The following P2RX3 variants were observed in gnomAD, a reference collection of about 807,000 sequenced individuals.
P2RX3 encodes purinergic receptor P2X 3, also known as P2X purinoceptor 3.
A neutral mutation model predicts 51.5 loss-of-function variants in P2RX3; 41 were observed. The observed-to-expected ratio is 0.80, with a 90% CI of 0.62 to 1.03. The LOEUF is 1.03. Among genes scored for constraint, P2RX3 ranks in the 50% least tolerant of loss-of-function variants. The pLI is 0.00. For missense variants in P2RX3, 459 were observed against 522.1 expected (o/e 0.88, Z 1.18); for synonymous variants, 185 against 191.6 (o/e 0.97, Z 0.29).
At chr11:57,347,278 C>A in intron 3 of P2RX3, 91 bp downstream of exon 3, 2 of 1,505,458 alleles carry the variant, frequency 1.3e-6, no homozygotes, top group Non-Finnish European at 1.8e-6. Flanking sequence ...GAGCAGAGGC[C>A]CCAAGTCTGA....
At position 57,370,657 on chromosome 11, in the gene P2RX3, G is replaced by C. The variant is rs900726531; in HGVS notation, c.*660G>C. On this transcript the variant is annotated 3_prime_UTR_variant, in exon 12 of 12. Transcript: ENST00000263314. ...AGGGAGACTGGTTAGACAGTGGTGA[G>C]GGACCCCATCTCTGACTTGGGTGCA... 2 of 152,238 alleles carry C rather than the reference G, an allele frequency of 1.3e-5. No individual in the cohort carries two copies. The highest frequency in any genetic ancestry group is 4.8e-5 in the African/African-American group (2 of 41,450). The allele number at this position is 152,238 out of a possible 1,614,324, so 9.4% of individuals were successfully genotyped here. A position where few individuals can be genotyped will look rare whatever the true frequency, so the allele number is the denominator to read the frequency against.
upstream of P2RX3, chr11:57,338,335 T>G: frequency 2.5e-6 from 1 of 392,466 alleles, no homozygotes; most frequent in Non-Finnish European, 4.7e-6. Flanking sequence ...AAAAAGGGGG[T>G]CCCCCGCCCT....
chr11:57,370,127 C>T lies in P2RX3; in HGVS notation c.*130C>T. The T allele has an allele frequency of 4.4e-6, 3 of 684,616 alleles. No individual in the cohort carries two copies. The highest frequency in any genetic ancestry group is 2.5e-6 in the Non-Finnish European group (1 of 401,228). 42.4% of individuals were successfully genotyped at this position (684,616 alleles called of 1,614,324 possible). On this transcript the variant is annotated 3_prime_UTR_variant, in exon 12 of 12. Coordinates refer to ENST00000263314, the MANE Select transcript of P2RX3 (RefSeq NM_002559.5). ...GCTCATTCCATGAGCATAGCTGGGA[C>T]CCAAGTGTCTGGGCCTCCGACTGCT...
intron 8 of P2RX3, among the ~76,000 whole-genome samples, chr11:57,359,118 G>A (rs929296043): frequency 6.6e-6 from 1 of 152,192 alleles, no homozygotes; most frequent in Non-Finnish European, 1.5e-5. Flanking sequence ...CGTCACCACT[G>A]TAGACCTGCC....
At chr11:57,343,867 C>T (rs1856385844) in intron 1 of P2RX3, among the ~76,000 whole-genome samples, 1 of 152,204 alleles carries the variant, frequency 6.6e-6, no homozygotes, top group African/African-American at 2.4e-5. Context: ...AGACCTCACT[C>T]CCTTCACTCT....
rs1856887223 is a variant in P2RX3, at chr11:57,371,575, C to T, written c.*1578C>T. 6.6e-6 allele frequency among the ~76,000 whole-genome samples: 1 copy of T among 152,144 alleles called. No individual in the cohort carries two copies. Among genetic ancestry groups the T allele is most frequent in the Admixed American group, 6.5e-5 (1 of 15,288 alleles). On this transcript the variant is annotated 3_prime_UTR_variant, in exon 12 of 12. Transcript: ENST00000263314. ...ACTTGCAAAGGCCTTGCCCAATGAC[C>T]CCCCGCTCCAGGGGGAGAAGGGGTA...
upstream of P2RX3, among the ~76,000 whole-genome samples, chr11:57,336,485 A>C (rs546072928): frequency 4.6e-5 from 7 of 152,364 alleles, no homozygotes; most frequent in Non-Finnish European, 8.8e-5. Context: ...TGCGGAAGCC[A>C]GGTCTCCCCC....
At chr11:57,368,223 G>A (rs1415493694) in intron 9 of P2RX3, 121 bp downstream of exon 9, 1 of 1,300,002 alleles carries the variant, frequency 7.7e-7, no homozygotes, top group Admixed American at 1.7e-5. Flanking sequence ...GACACCCTCA[G>A]TGGGTCACTC....
chr11:57,337,350 G>GAAAAAAAAAA (rs11339711), upstream of P2RX3, among the ~76,000 whole-genome samples: 1 of 73,494 alleles, frequency 1.4e-5, no homozygotes, highest in African/African-American at 5.9e-5. Context: ...AGGAAAGAAA[G>GAAAAAAAAAA]AAAAAAAAAA....
chr11:57,357,454 C>A (rs1044716530), intron 8 of P2RX3, among the ~76,000 whole-genome samples: 2 of 152,190 alleles, frequency 1.3e-5, no homozygotes, highest in Non-Finnish European at 2.9e-5. Flanking sequence ...AGTCTGGCTC[C>A]AGAACCTGTG....
upstream of P2RX3, among the ~76,000 whole-genome samples, chr11:57,337,351 A>AAAAAAAAAAAAAAAG (rs1856251556): frequency 2.7e-5 from 1 of 36,836 alleles, no homozygotes; most frequent in Non-Finnish European, 6.3e-5. Flanking sequence ...GGAAAGAAAG[A>AAAAAAAAAAAAAAAG]AAAAAAAAAA....
At chr11:57,363,870 C>A (rs537626699) in intron 8 of P2RX3, among the ~76,000 whole-genome samples, 15 of 152,282 alleles carry the variant, frequency 9.9e-5, no homozygotes, top group African/African-American at 3.6e-4. Flanking sequence ...TCCCTGCCAA[C>A]CCTCCTCAGA....
chr11:57,336,073 GACTAGAT>G (rs1856214919), upstream of P2RX3, among the ~76,000 whole-genome samples: 1 of 152,184 alleles, frequency 6.6e-6, no homozygotes, highest in African/African-American at 2.4e-5. Flanking sequence ...CTTCAGTCGA[GACTAGAT>G]ACTAAAGAGA....
intron 1 of P2RX3, among the ~76,000 whole-genome samples, chr11:57,343,847 C>CTAG (rs141735343): frequency 1.3e-5 from 2 of 152,302 alleles, no homozygotes; most frequent in East Asian, 3.9e-4. Flanking sequence ...AAGCAGAGAG[C>CTAG]CTAGGCCCCA....
At chr11:57,340,078 T>G (rs1856309797) in intron 1 of P2RX3, among the ~76,000 whole-genome samples, 1 of 152,220 alleles carries the variant, frequency 6.6e-6, no homozygotes, top group Non-Finnish European at 1.5e-5. Flanking sequence ...GCTGTCTGCA[T>G]CTCTAGAGCT....
At chr11:57,357,621 T>G (rs1285985712) in intron 8 of P2RX3, among the ~76,000 whole-genome samples, 1 of 152,150 alleles carries the variant, frequency 6.6e-6, no homozygotes, top group Non-Finnish European at 1.5e-5. Flanking sequence ...CCTTATTAAT[T>G]AAAGATAAAT....
chr11:57,349,751 C>T lies in P2RX3; in HGVS notation c.564-6C>T. 2 of 1,614,066 alleles carry T rather than the reference C, an allele frequency of 1.2e-6. No homozygotes were observed. Among genetic ancestry groups the T allele is most frequent in the Non-Finnish European group, 1.7e-6 (2 of 1,179,988 alleles). On this transcript the variant is annotated splice_polypyrimidine_tract_variant and splice_region_variant and intron_variant, in intron 6 of 11. Coordinates refer to ENST00000263314, the MANE Select transcript of P2RX3 (RefSeq NM_002559.5). ...TGGGCTGACCTCTCTCTCTGCTCCT[C>T]CCCAGGGGAAACCTCCTTCCCAACC...
intron 7 of P2RX3, among the ~76,000 whole-genome samples, 171 bp downstream of exon 7, chr11:57,350,069 C>T (rs916513136): frequency 2.6e-5 from 4 of 152,172 alleles, no homozygotes; most frequent in Non-Finnish European, 5.9e-5. Context: ...CTGCTTTCCC[C>T]GCGCAGAGCG....
chr11:57,347,197 G>A lies in P2RX3; in HGVS notation c.327+10G>A, dbSNP rs748441724. On this transcript the variant is annotated intron_variant, in intron 3 of 11. Transcript: ENST00000263314. Reference sequence around the variant, plus strand: ...AGGATTCTGCCCAGAGGTGAGGGGAGGACAGAGGTTGGGTGAAGCAGGTCA... The same window carrying A: ...AGGATTCTGCCCAGAGGTGAGGGGAAGACAGAGGTTGGGTGAAGCAGGTCA... 9.9e-6 allele frequency: 16 copies of A among 1,612,550 alleles called. No homozygotes were observed. Among genetic ancestry groups the A allele is most frequent in the Non-Finnish European group, 1.2e-5 (14 of 1,179,258 alleles).
Sources: allele counts gnomAD v4.1 joint callset (sites outside exome capture counted in the v4.1 genomes callset), GRCh38; gene constraint gnomAD v4.1.1; transcripts MANE v1.5; gene names NCBI Gene and HGNC (gene_info 2026-07-23, HGNC 2026-07-21).